AGO3: variants seen among roughly 807,000 people sequenced by gnomAD.
AGO3 encodes argonaute RISC catalytic component 3.
A neutral mutation model predicts 105.5 loss-of-function variants in AGO3; 16 were observed. That is an observed-to-expected ratio of 0.15 (90% CI 0.10 to 0.23). AGO3 has a LOEUF of 0.23. Ranked by LOEUF, AGO3 falls within the 10% of genes least tolerant of loss-of-function variation. AGO3 has a pLI of 1.00. For missense variants in AGO3, 534 were observed against 1,088.0 expected, an observed-to-expected ratio of 0.49 and a Z score of 7.16; for synonymous variants, 340 against 367.3, an observed-to-expected ratio of 0.93 and a Z score of 0.85.
chr1:36,051,663 T>C (rs1322836258), intron 17 of AGO3, among the ~76,000 whole-genome samples: 1 of 152,022 alleles, frequency 6.6e-6, no homozygotes, highest in Admixed American at 6.6e-5. Context: ...AAGGCTGCAA[T>C]GAGCCTGGGC....
chr1:36,044,200 C>T (rs1270433386), intron 17 of AGO3, among the ~76,000 whole-genome samples: 1 of 151,984 alleles, frequency 6.6e-6, no homozygotes, highest in Non-Finnish European at 1.5e-5. Context: ...TAAAAATTAG[C>T]CAGGTGTGGT....
intron 1 of AGO3, among the ~76,000 whole-genome samples, chr1:35,937,231 G>T (rs934664608): frequency 1.3e-5 from 2 of 152,060 alleles, no homozygotes; most frequent in Non-Finnish European, 2.9e-5. Flanking sequence ...GTGAAACCTC[G>T]TCTCTACTAA....
At chr1:36,043,122 C>T (rs955112062) in intron 16 of AGO3, 1 of 207,540 alleles carries the variant, frequency 4.8e-6, no homozygotes, top group Non-Finnish European at 9.5e-6. Context: ...ACCTACTATG[C>T]ACAGGTACCA....
At chr1:35,999,599 C>T (rs1259894163) in intron 5 of AGO3, among the ~76,000 whole-genome samples, 1 of 152,068 alleles carries the variant, frequency 6.6e-6, no homozygotes, top group Non-Finnish European at 1.5e-5. Flanking sequence ...GTTTAGATTT[C>T]ATCTCAAATG....
chr1:35,968,207 T>C (rs1646807754), intron 3 of AGO3, among the ~76,000 whole-genome samples: 1 of 152,224 alleles, frequency 6.6e-6, no homozygotes, highest in African/African-American at 2.4e-5. Context: ...TTTCTCCTAT[T>C]GGGGTATTCT....
At chr1:36,013,860 G>A in intron 10 of AGO3, 55 bp from the exon 11 acceptor site, 1 of 1,602,184 alleles carries the variant, frequency 6.2e-7, no homozygotes, top group Admixed American at 1.7e-5. Flanking sequence ...TTTACTTTCT[G>A]TTTATTGAAA....
At chr1:35,945,243 C>G (rs529033652) in intron 1 of AGO3, among the ~76,000 whole-genome samples, 78 of 150,344 alleles carry the variant, frequency 5.2e-4, no homozygotes, top group Non-Finnish European at 8.3e-4. Context: ...GACAAGTTCT[C>G]TCTCTGGCAC....
At chr1:36,003,709 A>AAAAAAAAAATATATAT (rs1295618675) in intron 5 of AGO3, among the ~76,000 whole-genome samples, 38 of 99,422 alleles carry the variant, frequency 3.8e-4, no homozygotes, top group Non-Finnish European at 5.4e-4. Context: ...AAAAAAAAAA[A>AAAAAAAAAATATATAT]ATATATATAT....
rs770324621 is a variant in AGO3, at chr1:36,055,762, C to G, written c.*17C>G. On this transcript the variant is annotated 3_prime_UTR_variant, in exon 19 of 19. Coordinates refer to ENST00000373191, the MANE Select transcript of AGO3 (RefSeq NM_024852.4). The surrounding 1 kb of genome is among the most constrained non-coding windows in gnomAD (Gnocchi z 4.4). ...TTCGCTTAAATAGTCCAAGTATATTCTCTGAGAGGAAGTACTGAAAGATGA... is the reference window on the plus strand; with the variant it reads ...TTCGCTTAAATAGTCCAAGTATATTGTCTGAGAGGAAGTACTGAAAGATGA... The G allele has an allele frequency of 6.2e-7, 1 of 1,608,794 alleles. No homozygotes were observed. Among genetic ancestry groups the G allele is most frequent in the Non-Finnish European group, 8.5e-7 (1 of 1,175,438 alleles).
intron 5 of AGO3, among the ~76,000 whole-genome samples, chr1:35,989,175 C>T (rs905359328): frequency 3.9e-5 from 6 of 152,136 alleles, no homozygotes; most frequent in African/African-American, 7.2e-5. Flanking sequence ...CAGGAAATGA[C>T]AGATGGGAGC....
intron 11 of AGO3, among the ~76,000 whole-genome samples, chr1:36,018,120 C>T (rs917602767): frequency 1.3e-5 from 2 of 151,238 alleles, no homozygotes; most frequent in African/African-American, 2.4e-5. Context: ...AGAACAGGCA[C>T]GTACCACCAC....
chr1:35,978,457 G>T (rs1010981932), intron 5 of AGO3, among the ~76,000 whole-genome samples: 3 of 152,156 alleles, frequency 2.0e-5, no homozygotes, highest in Non-Finnish European at 4.4e-5. Flanking sequence ...CTTCCCAAGT[G>T]CTGGGATTAC....
chr1:36,032,315 G>A lies in AGO3; in HGVS notation c.1592-1859G>A, dbSNP rs77548817. The stretch of plus-strand genomic sequence containing the variant: ...TGCATTTTCCTAAATGATTAGAGAC[G>A]TTGGGCATCTTTTCATGTGCTTATG... On this transcript the variant is annotated intron_variant, in intron 12 of 18. Coordinates refer to ENST00000373191, the MANE Select transcript of AGO3 (RefSeq NM_024852.4). 9.5e-3 allele frequency among the ~76,000 whole-genome samples: 1,442 copies of A among 152,196 alleles called. 22 individuals carry two copies. Among genetic ancestry groups the A allele is most frequent in the African/African-American group, 0.032 (1,348 of 41,526 alleles).
chr1:36,036,710 T>A (rs1457427878), intron 14 of AGO3, among the ~76,000 whole-genome samples: 2 of 152,196 alleles, frequency 1.3e-5, no homozygotes, highest in Non-Finnish European at 2.9e-5. Context: ...TTTATTTATT[T>A]TTTTCAGACA....
intron 2 of AGO3, among the ~76,000 whole-genome samples, chr1:35,960,663 A>G (rs1385961086): frequency 6.6e-6 from 1 of 152,082 alleles, no homozygotes; most frequent in African/African-American, 2.4e-5. Flanking sequence ...TTCTAAATAT[A>G]TGAATTAATT....
chr1:36,014,975 CA>C (rs1640828064), intron 11 of AGO3, among the ~76,000 whole-genome samples: 1 of 152,094 alleles, frequency 6.6e-6, no homozygotes, highest in Non-Finnish European at 1.5e-5. Context: ...AGGGTTTCCC[CA>C]CACACCAAGC....
intron 6 of AGO3, among the ~76,000 whole-genome samples, chr1:36,006,786 A>G (rs955774095): frequency 1.3e-5 from 2 of 152,194 alleles, no homozygotes; most frequent in African/African-American, 2.4e-5. Context: ...CCAAAGAAAA[A>G]CAAACCCATA....
chr1:36,023,514 G>A (rs1043792594), intron 11 of AGO3, among the ~76,000 whole-genome samples: 2 of 152,198 alleles, frequency 1.3e-5, no homozygotes, highest in Admixed American at 6.5e-5. Flanking sequence ...TACAGAAAAA[G>A]GAAAGTGATG....
intron 9 of AGO3, among the ~76,000 whole-genome samples, chr1:36,011,061 C>G (rs1271504188): frequency 6.6e-6 from 1 of 152,130 alleles, no homozygotes; most frequent in Non-Finnish European, 1.5e-5. Flanking sequence ...GAAGGCGTTA[C>G]CAATACCGCT....
Sources: gnomAD v4.1 joint callset for allele counts (sites outside exome capture counted in the v4.1 genomes callset) on GRCh38, gnomAD v4.1.1 for gene constraint, Gnocchi (gnomAD v3.1) non-coding constraint, MANE v1.5 for transcripts, NCBI Gene and HGNC (gene_info 2026-07-23, HGNC 2026-07-21) for gene names.